Variants in ZGRF1 observed in about 807,000 individuals in gnomAD.
ZGRF1 encodes the protein 5'-3' DNA helicase ZGRF1.
In ZGRF1, 196 loss-of-function variants were observed where a neutral mutation model predicts 203.5. The ratio of observed to expected loss-of-function variants is 0.96; its 90% CI spans 0.86 to 1.08. ZGRF1 has a LOEUF of 1.08. Among genes scored for constraint, ZGRF1 ranks in the 50% least tolerant of loss-of-function variants. The pLI is 0.00. For synonymous variants in ZGRF1, 809 were observed against 841.3 expected (o/e 0.96, Z 0.66); for missense variants, 2,326 against 2,416.3 (o/e 0.96, Z 0.78).
At chr4:112,591,876 A>AT (rs1051133540) in intron 10 of ZGRF1, among the ~76,000 whole-genome samples, 5 of 152,098 alleles carry the variant, frequency 3.3e-5, no homozygotes, top group African/African-American at 1.2e-4. Flanking sequence ...GAGGTGCTGT[A>AT]TATTTATTTA....
intron 15 of ZGRF1, among the ~76,000 whole-genome samples, chr4:112,583,648 T>C (rs192973363): frequency 3.2e-4 from 49 of 152,044 alleles, no homozygotes; most frequent in African/African-American, 1.0e-3. Context: ...TCTACAAAAA[T>C]TTCAAATTAG....
At chr4:112,597,775 T>G (rs1230095306) in intron 10 of ZGRF1, among the ~76,000 whole-genome samples, 1 of 150,048 alleles carries the variant, frequency 6.7e-6, no homozygotes, top group African/African-American at 2.5e-5. Context: ...CCCCAGCTAC[T>G]CGGGAGGCTG....
Position 112,618,679 on chromosome 4 carries a change from T to C in ZGRF1, c.1363A>G (p.Ile455Val), listed in dbSNP as rs932981668. ...TTTACCTCCTGAGCATTTTCTTTAA[T>C]GAGAACTGATCCTTTAATGCACCCC... ...DKGCIKGSVL[I>V]KENAQEVNTC... Residue 455 changes from isoleucine to valine, a missense_variant, in exon 6 of 28, where the codon ATT becomes GTT. By Grantham distance (29) the Ile-to-Val change is conservative. Transcript: ENST00000505019. 1.2e-6 allele frequency: 2 copies of C among 1,612,890 alleles called. No individual in the cohort carries two copies. Among genetic ancestry groups the C allele is most frequent in the East Asian group, 4.5e-5 (2 of 44,846 alleles).
chr4:112,595,295 T>C (rs1287520710), intron 10 of ZGRF1, among the ~76,000 whole-genome samples: 2 of 152,246 alleles, frequency 1.3e-5, no homozygotes, highest in East Asian at 3.8e-4. Flanking sequence ...GCATTGCTAA[T>C]ATCAAACACG....
At chr4:112,601,467 G>C (rs138153780) in intron 10 of ZGRF1, among the ~76,000 whole-genome samples, 1 of 151,816 alleles carries the variant, frequency 6.6e-6, no homozygotes, top group Non-Finnish European at 1.5e-5. Flanking sequence ...CCAGCTACTC[G>C]GGAGGCTGAG....
At chr4:112,629,322 A>T (rs1196619650) in intron 3 of ZGRF1, among the ~76,000 whole-genome samples, 1 of 152,272 alleles carries the variant, frequency 6.6e-6, no homozygotes, top group Non-Finnish European at 1.5e-5. Context: ...CTTTTGAATT[A>T]TGATCATGAA....
At position 112,618,269 on chromosome 4, in the gene ZGRF1, G is replaced by A. The variant is rs780343355; in HGVS notation, c.1773C>T (p.Phe591=). ...CEEIEGEHLP[F]LTSVSDKPTV... ...TAGGTTTGTCACTAACAGATGTTAAGAATGGCAAATGTTCACCCTCAATCT... is the reference window on the plus strand; with the variant it reads ...TAGGTTTGTCACTAACAGATGTTAAAAATGGCAAATGTTCACCCTCAATCT... The change falls in exon 6 of 28, where the codon TTC becomes TTT. Residue 591 remains phenylalanine (F), a synonymous_variant. Coordinates refer to ENST00000505019, the MANE Select transcript of ZGRF1 (RefSeq NM_018392.5). 5.0e-6 allele frequency: 8 copies of A among 1,613,768 alleles called. No homozygotes were observed. The South Asian group carries it at 7.7e-5, about 16-fold the overall frequency.
At chr4:112,578,691 G>A (rs1351529544) in intron 16 of ZGRF1, among the ~76,000 whole-genome samples, 1 of 122,716 alleles carries the variant, frequency 8.1e-6, no homozygotes, top group African/African-American at 2.8e-5. Flanking sequence ...TAAATTCCTC[G>A]ACACATACAT....
In ZGRF1 at chr4:112,634,239, AT is replaced by A. The variant is rs573466711; in HGVS notation, c.-66-998del. ...GGTGATAAACAGTAATTTTAATAAAATAAGGCAGGAATAAGCACAGCAGGGG... is the reference window on the plus strand; with the variant it reads ...GGTGATAAACAGTAATTTTAATAAAAAAGGCAGGAATAAGCACAGCAGGGG... On this transcript the variant is annotated intron_variant, in intron 1 of 27. Transcript: ENST00000505019. 2.6e-5 allele frequency among the ~76,000 whole-genome samples: 4 copies of A among 152,236 alleles called. No individual in the cohort carries two copies. In the South Asian group the frequency reaches 8.3e-4, roughly 32 times the overall value.
rs1391178441 is a variant in ZGRF1, at chr4:112,560,976, T to C, written c.4717A>G (p.Ser1573Gly). The part of the protein sequence containing the change: ...LLTTSSPTIV[S>G]NKRVSKRKFI... ...TTTCTCTTACTGACTCTTTTGTTAC[T>C]AACTATAGTTGGCGAAGACCTAATA... The change falls in exon 19 of 28, where the codon AGT becomes GGT. Residue 1573 changes from serine to glycine, a missense_variant. Coordinates refer to ENST00000505019, the MANE Select transcript of ZGRF1 (RefSeq NM_018392.5). The C allele has an allele frequency of 5.0e-6, 8 of 1,609,496 alleles. No homozygotes were observed. The highest frequency in any genetic ancestry group is 6.8e-6 in the Non-Finnish European group (8 of 1,176,690).
chr4:112,615,234 AT>A lies in ZGRF1; in HGVS notation c.2602+2205del, dbSNP rs992871642. On this transcript the variant is annotated intron_variant, in intron 6 of 27. Coordinates refer to ENST00000505019, the MANE Select transcript of ZGRF1 (RefSeq NM_018392.5). ...GAAACCAGCTGGTTTCCCAAAACTA[AT>A]TTTTTTTTTTAAGATGGAGTCTTGC... Among the ~76,000 whole-genome samples, 357 of 148,228 alleles carry A rather than the reference AT, an allele frequency of 2.4e-3. 2 individuals are homozygous for A. The highest frequency in any genetic ancestry group is 7.8e-3 in the African/African-American group (317 of 40,522).
chr4:112,550,615 G>A lies in ZGRF1; in HGVS notation c.5347-2235C>T, dbSNP rs529346249. On this transcript the variant is annotated intron_variant, in intron 22 of 27. Transcript: ENST00000505019. ...CGCCTGTAATCCCAGCACTTTGGGA[G>A]GCTGAAGCAGGCGGATCGCTTAAGG... Among the ~76,000 whole-genome samples, 18 of 152,314 alleles carry A rather than the reference G, an allele frequency of 1.2e-4. 1 individual carries two copies. The highest frequency in any genetic ancestry group is 3.4e-3 in the Middle Eastern group (1 of 294).
chr4:112,634,236 A>G (rs1459374761), intron 1 of ZGRF1, among the ~76,000 whole-genome samples: 1 of 152,220 alleles, frequency 6.6e-6, no homozygotes, highest in Non-Finnish European at 1.5e-5. Context: ...TAATTTTAAT[A>G]AAATAAGGCA....
chr4:112,600,957 GTC>G (rs1402302866), intron 10 of ZGRF1, among the ~76,000 whole-genome samples: 2 of 151,956 alleles, frequency 1.3e-5, no homozygotes, highest in African/African-American at 4.8e-5. Context: ...TTCTCATACT[GTC>G]TTTTTCTCAA....
At chr4:112,635,683 T>A (rs2047587936) in intron 1 of ZGRF1, among the ~76,000 whole-genome samples, 1 of 150,544 alleles carries the variant, frequency 6.6e-6, no homozygotes, top group Non-Finnish European at 1.5e-5. Context: ...TAATTATATA[T>A]ATTTATTGAT....
intron 8 of ZGRF1, among the ~76,000 whole-genome samples, 162 bp from the exon 9 acceptor site, chr4:112,606,253 C>A (rs976108529): frequency 3.3e-5 from 5 of 152,186 alleles, no homozygotes; most frequent in Non-Finnish European, 5.9e-5. Context: ...AGCTAGCTCT[C>A]CCTGGCAAAG....
chr4:112,583,910 G>T, intron 15 of ZGRF1, 68 bp downstream of exon 15: 2 of 1,001,426 alleles, frequency 2.0e-6, no homozygotes, highest in South Asian at 2.0e-5. Flanking sequence ...TAAAACTGAT[G>T]ATAGTTCTGT....
chr4:112,568,305 A>C (rs2148927179), intron 16 of ZGRF1, among the ~76,000 whole-genome samples: 1 of 152,274 alleles, frequency 6.6e-6, no homozygotes, highest in African/African-American at 2.4e-5. Context: ...AAGAGGAGAA[A>C]CAAGGAAAAA....
chr4:112,609,374 C>T lies in ZGRF1; in HGVS notation c.2718+5G>A. The stretch of plus-strand genomic sequence containing the variant: ...AGGGGCTAATTTATATTTTAAATAA[C>T]TTACCTGCACAGACTGAAGTGGTTC... On this transcript the variant is annotated splice_donor_5th_base_variant and intron_variant, in intron 8 of 27. Transcript: ENST00000505019. The T allele has an allele frequency of 4.7e-6, 7 of 1,491,710 alleles. No individual in the cohort carries two copies. Among genetic ancestry groups the T allele is most frequent in the Non-Finnish European group, 4.5e-6 (5 of 1,102,874 alleles). 92.4% of individuals were successfully genotyped at this position (1,491,710 alleles called of 1,614,324 possible).
Sources: gnomAD v4.1 joint callset for allele counts (sites outside exome capture counted in the v4.1 genomes callset) on GRCh38, gnomAD v4.1.1 for gene constraint, MANE v1.5 for transcripts, NCBI Gene and HGNC (gene_info 2026-07-23, HGNC 2026-07-21) for gene names.